LSAMP: variants seen among roughly 807,000 people sequenced by gnomAD.
LSAMP encodes limbic system-associated membrane protein.
Under a neutral mutation model 38.6 loss-of-function variants are expected in LSAMP, and 7 were observed. That is an observed-to-expected ratio of 0.18 (90% CI 0.10 to 0.34). LSAMP has a LOEUF of 0.34. Among genes scored for constraint, LSAMP ranks in the 10% least tolerant of loss-of-function variants. The probability of loss-of-function intolerance (pLI) is 1.00; values close to 1 mark genes in which losing one functional copy is unlikely to be tolerated. For missense variants in LSAMP, 313 were observed against 420.0 expected (o/e 0.75, Z 2.23); for synonymous variants, 154 against 166.8 (o/e 0.92, Z 0.59).
intron 1 of LSAMP, among the ~76,000 whole-genome samples, chr3:116,203,397 ATTT>A (rs1553713091): frequency 1.8e-5 from 2 of 114,166 alleles, no homozygotes; most frequent in African/African-American, 6.0e-5. Context: ...TTATTTATTT[ATTT>A]TTTATTTTTT....
At chr3:115,909,444 G>A (rs1937086782) in intron 3 of LSAMP, among the ~76,000 whole-genome samples, 1 of 152,152 alleles carries the variant, frequency 6.6e-6, no homozygotes, top group East Asian at 1.9e-4. Context: ...GGTTGTTGTT[G>A]CTGTTCCCTT....
Position 116,109,239 on chromosome 3 carries a change from G to C in LSAMP, c.156-22683C>G, listed in dbSNP as rs936538919. On this transcript the variant is annotated intron_variant, in intron 1 of 6. Coordinates refer to ENST00000490035, the MANE Select transcript of LSAMP (RefSeq NM_002338.5). The stretch of plus-strand genomic sequence containing the variant: ...TTTAAGAGTAAATTGCTGGGCAGGT[G>C]GGGGAGGGCTAGTCACCGAACGAAA... Among the ~76,000 whole-genome samples, 8 of 152,292 alleles carry C rather than the reference G, an allele frequency of 5.3e-5. No homozygotes were observed. The South Asian group carries it at 1.2e-3, about 24-fold the overall frequency.
At chr3:116,197,343 C>G (rs1157172210) in intron 1 of LSAMP, among the ~76,000 whole-genome samples, 1 of 152,162 alleles carries the variant, frequency 6.6e-6, no homozygotes, top group Admixed American at 6.5e-5. Flanking sequence ...CGTCTCACCT[C>G]CAAAACTCAG....
chr3:116,382,697 A>G (rs1379615689), intron 1 of LSAMP, among the ~76,000 whole-genome samples: 1 of 152,044 alleles, frequency 6.6e-6, no homozygotes, highest in Non-Finnish European at 1.5e-5. Flanking sequence ...TTAATAGGAG[A>G]AGTTTGCTGA....
At chr3:115,827,317 G>A (rs1312485807) in intron 6 of LSAMP, among the ~76,000 whole-genome samples, 1 of 148,162 alleles carries the variant, frequency 6.7e-6, no homozygotes, top group Non-Finnish European at 1.5e-5. Context: ...CTTGGCCAAG[G>A]CACGGTTATT....
At chr3:116,435,221 T>TG (rs1206256896) in intron 1 of LSAMP, among the ~76,000 whole-genome samples, 1 of 152,164 alleles carries the variant, frequency 6.6e-6, no homozygotes, top group Non-Finnish European at 1.5e-5. Context: ...CTCTAAAAAC[T>TG]GGGACCCTCT....
intron 4 of LSAMP, among the ~76,000 whole-genome samples, chr3:115,844,471 G>A (rs1935093808): frequency 6.6e-6 from 1 of 152,132 alleles, no homozygotes; most frequent in Non-Finnish European, 1.5e-5. Flanking sequence ...GATCATTAGA[G>A]CACATCAGTT....
intron 3 of LSAMP, among the ~76,000 whole-genome samples, chr3:115,874,214 C>T (rs1165977987): frequency 1.3e-5 from 2 of 152,080 alleles, no homozygotes; most frequent in Admixed American, 6.6e-5. Context: ...GCTGTCTCTC[C>T]TCCTCCAAAA....
intron 1 of LSAMP, among the ~76,000 whole-genome samples, chr3:116,228,184 T>C (rs1349407520): frequency 2.0e-5 from 3 of 152,106 alleles, no homozygotes; most frequent in Non-Finnish European, 2.9e-5. Flanking sequence ...CTTGTAGAGA[T>C]TGCAATGTAT....
At chr3:115,911,057 TA>T (rs1278618558) in intron 3 of LSAMP, among the ~76,000 whole-genome samples, 1 of 152,232 alleles carries the variant, frequency 6.6e-6, no homozygotes, top group African/African-American at 2.4e-5. Context: ...TCTATGCATG[TA>T]ACAAAATATC....
intron 1 of LSAMP, among the ~76,000 whole-genome samples, chr3:116,162,145 A>G (rs930910161): frequency 6.6e-6 from 1 of 152,196 alleles, no homozygotes; most frequent in African/African-American, 2.4e-5. Context: ...AATGAATTCT[A>G]GTGCTAGTCT....
At chr3:116,319,724 T>C (rs1014421828) in intron 1 of LSAMP, among the ~76,000 whole-genome samples, 6 of 152,030 alleles carry the variant, frequency 3.9e-5, no homozygotes, top group African/African-American at 1.5e-4. Flanking sequence ...CTGCTACTGT[T>C]CAGAGGTAAA....
intron 3 of LSAMP, among the ~76,000 whole-genome samples, chr3:115,866,648 A>G (rs1399379391): frequency 2.6e-5 from 4 of 152,054 alleles, no homozygotes; most frequent in Admixed American, 2.0e-4. Context: ...GCATCATGCT[A>G]TGAAGAATTC....
chr3:116,251,978 A>G (rs1479282118), intron 1 of LSAMP, among the ~76,000 whole-genome samples: 1 of 152,184 alleles, frequency 6.6e-6, no homozygotes, highest in Non-Finnish European at 1.5e-5. Context: ...TGTTTATTAA[A>G]TGTCTCACTC....
intron 1 of LSAMP, among the ~76,000 whole-genome samples, chr3:116,408,552 C>T (rs897192407): frequency 6.6e-6 from 1 of 152,002 alleles, no homozygotes; most frequent in South Asian, 2.1e-4. Context: ...AATTTACACT[C>T]AACACATTGA....
chr3:116,091,993 T>C (rs1429167443), intron 1 of LSAMP, among the ~76,000 whole-genome samples: 2 of 152,178 alleles, frequency 1.3e-5, no homozygotes, highest in Non-Finnish European at 2.9e-5. Flanking sequence ...CACATTGCAT[T>C]AGAGTTATTT....
chr3:115,875,553 G>A (rs1276273077), intron 3 of LSAMP, among the ~76,000 whole-genome samples: 1 of 152,048 alleles, frequency 6.6e-6, no homozygotes, highest in Non-Finnish European at 1.5e-5. Context: ...ACTCCTTAAT[G>A]ATGAATCTCA....
At chr3:115,915,849 T>C (rs537165146) in intron 3 of LSAMP, among the ~76,000 whole-genome samples, 15 of 152,078 alleles carry the variant, frequency 9.9e-5, no homozygotes, top group Non-Finnish European at 1.9e-4. Context: ...GCCAGGATGG[T>C]CTCAATCTCT....
Position 115,851,761 on chromosome 3 carries a change from C to T in LSAMP, c.649+722G>A, listed in dbSNP as rs1935337491. ...AACTTGAATTTGAATGATGCAGAGT[C>T]AGTGCTAACTGAACAGGGTAAACGA... On this transcript the variant is annotated intron_variant, in intron 4 of 6. Transcript: ENST00000490035. Among the ~76,000 whole-genome samples, 3 of 152,196 alleles carry T rather than the reference C, an allele frequency of 2.0e-5. No homozygotes were observed. In the South Asian group the frequency reaches 6.2e-4, roughly 32 times the overall value.
Sources: allele counts gnomAD v4.1 joint callset (sites outside exome capture counted in the v4.1 genomes callset), GRCh38; gene constraint gnomAD v4.1.1; transcripts MANE v1.5; gene names NCBI Gene and HGNC (gene_info 2026-07-23, HGNC 2026-07-21).